FCF1: variants seen among roughly 807,000 people sequenced by gnomAD.
FCF1 encodes the protein rRNA-processing protein FCF1 homolog.
FCF1 carries 17 observed loss-of-function variants against 32.5 expected under a neutral mutation model. That is an observed-to-expected ratio of 0.52 (90% confidence interval 0.36 to 0.78). The LOEUF (loss-of-function observed/expected upper bound fraction) is 0.78. Among genes scored for constraint, FCF1 ranks in the 30% least tolerant of loss-of-function variants. The pLI is 0.00. For missense variants in FCF1, 201 were observed against 241.1 expected, an observed-to-expected ratio of 0.83 and a Z score of 1.10; for synonymous variants, 84 against 78.4, an observed-to-expected ratio of 1.07 and a Z score of -0.38.
chr14:74,714,728 A>G (rs1289331834), intron 2 of FCF1, 144 bp from the exon 3 acceptor site: 1 of 1,106,744 alleles, frequency 9.0e-7, no homozygotes, highest in East Asian at 2.7e-5. Context: ...CAGAAAGAGT[A>G]TGCTGATATT....
intron 5 of FCF1, among the ~76,000 whole-genome samples, chr14:74,725,242 G>A (rs891991280): frequency 6.6e-6 from 1 of 151,794 alleles, no homozygotes; most frequent in African/African-American, 2.4e-5. Flanking sequence ...TGTAATCCCA[G>A]AACTTTGGGA....
At chr14:74,732,577 C>T (rs2090653645) in intron 5 of FCF1, among the ~76,000 whole-genome samples, 154 bp from the exon 6 acceptor site, 2 of 152,148 alleles carry the variant, frequency 1.3e-5, no homozygotes, top group South Asian at 4.1e-4. Context: ...GCCTTCATTC[C>T]CTGCCCCGTG....
chr14:74,720,880 T>G (rs1429844905), intron 4 of FCF1, among the ~76,000 whole-genome samples: 3 of 65,910 alleles, frequency 4.6e-5, no homozygotes, highest in African/African-American at 2.4e-4. Context: ...TTGGGGTTTG[T>G]TTTTTTTTTT....
Position 74,732,804 on chromosome 14 carries a change from C to A in FCF1, c.439C>A (p.Gln147Lys). 2 of 1,599,230 alleles carry A rather than the reference C, an allele frequency of 1.3e-6. No homozygotes were observed. The highest frequency in any genetic ancestry group is 1.7e-6 in the Non-Finnish European group (2 of 1,167,698). ...KGTYADDCLV[Q>K]RVTQHKCYIV... The stretch of plus-strand genomic sequence containing the variant: ...AACCTATGCAGATGACTGCTTAGTA[C>A]AGAGAGTAACTCAGGTATTATCAGT... The change falls in exon 6 of 8, where the codon CAG (glutamine) becomes AAG (lysine). Residue 147 changes from glutamine (Q) to lysine (K), a missense_variant. Physicochemically the swap from Gln to Lys is moderately conservative, Grantham distance 53. Around this residue, in one of 3 missense-constraint regions of FCF1, gnomAD observed 121 missense variants for 147.8 expected, o/e 0.82. Coordinates refer to ENST00000341162, the MANE Select transcript of FCF1 (RefSeq NM_015962.5).
chr14:74,734,038 G>C (rs376419846), intron 6 of FCF1, 38 bp from the exon 7 acceptor site: 2 of 1,388,316 alleles, frequency 1.4e-6, no homozygotes, highest in African/African-American at 2.8e-5. Flanking sequence ...AGCGTGCTCA[G>C]TGACCTCAGT....
chr14:74,731,012 A>T (rs891356543), intron 5 of FCF1, among the ~76,000 whole-genome samples: 6 of 151,690 alleles, frequency 4.0e-5, no homozygotes, highest in African/African-American at 1.2e-4. Context: ...AAAAAAAAAA[A>T]TTTAGTAGAG....
chr14:74,727,731 A>G lies in FCF1; in HGVS notation c.365+4387A>G, dbSNP rs559656112. Among the ~76,000 whole-genome samples the G allele has an allele frequency of 3.9e-5, 6 of 152,256 alleles. No homozygotes were observed. The East Asian group carries it at 1.2e-3, about 29-fold the overall frequency. ...GCCTAGGTTTTCTTTTAGGGTTTTTATGGTTTTAGGTCTAACGTTTAAGTC... is the reference window on the plus strand; with the variant it reads ...GCCTAGGTTTTCTTTTAGGGTTTTTGTGGTTTTAGGTCTAACGTTTAAGTC... On this transcript the variant is annotated intron_variant, in intron 5 of 7. Transcript: ENST00000341162.
intron 6 of FCF1, 57 bp downstream of exon 6, chr14:74,732,875 T>C: frequency 9.9e-7 from 1 of 1,014,200 alleles, no homozygotes; most frequent in Non-Finnish European, 1.5e-6. Context: ...TGTAAACTAT[T>C]ATCTCCTGAA....
chr14:74,713,817 A>G (rs981647001), intron 2 of FCF1, among the ~76,000 whole-genome samples: 1 of 152,174 alleles, frequency 6.6e-6, no homozygotes, highest in Non-Finnish European at 1.5e-5. Flanking sequence ...ACCTCATGTC[A>G]GTTCGGTGAA....
chr14:74,728,523 T>C (rs2090599350), intron 5 of FCF1, among the ~76,000 whole-genome samples: 1 of 152,224 alleles, frequency 6.6e-6, no homozygotes, highest in Non-Finnish European at 1.5e-5. Flanking sequence ...TGGGGTTTTC[T>C]AGATATACAA....
intron 2 of FCF1, 47 bp downstream of exon 2, chr14:74,713,599 A>G (rs200875941): frequency 2.8e-4 from 419 of 1,486,994 alleles, no homozygotes; most frequent in Non-Finnish European, 3.7e-4. Context: ...ATAAGAGTCT[A>G]GAGAGGATAA....
chr14:74,730,410 A>T (rs1055255807), intron 5 of FCF1, among the ~76,000 whole-genome samples: 4 of 151,358 alleles, frequency 2.6e-5, no homozygotes, highest in African/African-American at 4.9e-5. Context: ...GGCTAATTTT[A>T]AAAAAAAATT....
At chr14:74,732,549 A>G (rs2090653189) in intron 5 of FCF1, among the ~76,000 whole-genome samples, 182 bp from the exon 6 acceptor site, 3 of 152,224 alleles carry the variant, frequency 2.0e-5, no homozygotes. Context: ...TAAATGACCC[A>G]AAGCACACTA....
At chr14:74,732,896 C>T in intron 6 of FCF1, 78 bp downstream of exon 6, 2 of 844,608 alleles carry the variant, frequency 2.4e-6, no homozygotes, top group Non-Finnish European at 3.8e-6. Context: ...TGTTCATGGT[C>T]AGTAAAACAT....
intron 4 of FCF1, among the ~76,000 whole-genome samples, chr14:74,717,819 T>C (rs987670986): frequency 1.3e-5 from 2 of 152,206 alleles, no homozygotes; most frequent in Non-Finnish European, 2.9e-5. Flanking sequence ...AATATCTAGA[T>C]AGTGACTGTT....
At chr14:74,724,985 CT>C (rs2090556325) in intron 5 of FCF1, among the ~76,000 whole-genome samples, 1 of 151,042 alleles carries the variant, frequency 6.6e-6, no homozygotes, top group African/African-American at 2.4e-5. Flanking sequence ...ACTTTTTTCG[CT>C]GTTATATGTG....
intron 5 of FCF1, 81 bp from the exon 6 acceptor site, chr14:74,732,650 A>G (rs2090654527): frequency 1.1e-6 from 1 of 925,864 alleles, no homozygotes; most frequent in Admixed American, 1.8e-5. Context: ...ATCTCTGCAT[A>G]GATCATGTTA....
At chr14:74,734,000 T>C in intron 6 of FCF1, 76 bp from the exon 7 acceptor site, 1 of 950,924 alleles carries the variant, frequency 1.1e-6, no homozygotes, top group Non-Finnish European at 1.7e-6. Context: ...GACTGGTCAG[T>C]CGTTGTGCCA....
intron 5 of FCF1, among the ~76,000 whole-genome samples, chr14:74,729,023 T>A (rs924222767): frequency 2.0e-5 from 3 of 152,232 alleles, no homozygotes; most frequent in Non-Finnish European, 4.4e-5. Flanking sequence ...ATTGAGGATT[T>A]TTGCATCAGT....
Sources: allele counts gnomAD v4.1 joint callset (sites outside exome capture counted in the v4.1 genomes callset), GRCh38; gene constraint gnomAD v4.1.1; regional missense constraint gnomAD v4.1.1; transcripts MANE v1.5; gene names NCBI Gene and HGNC (gene_info 2026-07-23, HGNC 2026-07-21).